The following MANBA variants were observed in gnomAD, a reference collection of about 807,000 sequenced individuals.
MANBA encodes mannosidase beta, also known as beta-mannosidase.
Under a neutral mutation model 111.1 loss-of-function variants are expected in MANBA, and 83 were observed. That is an observed-to-expected ratio of 0.75 (90% CI 0.63 to 0.90). The LOEUF is 0.90. Among genes scored for constraint, MANBA ranks in the 40% least tolerant of loss-of-function variants. The pLI is 0.00. For synonymous variants in MANBA, 370 were observed against 378.7 expected (o/e 0.98, Z 0.27); for missense variants, 1,036 against 1,069.0 (o/e 0.97, Z 0.43).
chr4:102,711,731 C>T (rs568458686), intron 5 of MANBA, among the ~76,000 whole-genome samples: 3 of 152,080 alleles, frequency 2.0e-5, no homozygotes, highest in African/African-American at 7.2e-5. Context: ...AGATGAATGG[C>T]TAAAAAAGAA....
At chr4:102,661,563 A>T (rs561508427) in intron 11 of MANBA, among the ~76,000 whole-genome samples, 2 of 152,378 alleles carry the variant, frequency 1.3e-5, no homozygotes, top group Non-Finnish European at 2.9e-5. Context: ...ATTGAAGAAG[A>T]AGGCCAGTCA....
chr4:102,696,879 T>C (rs1430436605), intron 5 of MANBA, among the ~76,000 whole-genome samples: 1 of 152,190 alleles, frequency 6.6e-6, no homozygotes, highest in African/African-American at 2.4e-5. Flanking sequence ...ATTCAAACAT[T>C]AGATATTTTC....
In MANBA at chr4:102,723,935, C is replaced by T. The variant is rs1213414969; in HGVS notation, c.305G>A (p.Gly102Glu). The T allele has an allele frequency of 6.2e-7, 1 of 1,610,722 alleles. No individual in the cohort carries two copies. ...CAGGATTTTTGAAACCGTATCCACT[C>T]CCTCAAGAATCAAATTTACTTTTTG... ...KWQKVNLILE[G>E]VDTVSKILFN... The change falls in exon 3 of 17, where the codon GGA (glycine) becomes GAA (glutamate). Residue 102 changes from glycine (G) to glutamate (E), a missense_variant. By Grantham distance (98) the Gly-to-Glu change is moderately conservative (BLOSUM62 -2). Coordinates refer to ENST00000647097, the MANE Select transcript of MANBA (RefSeq NM_005908.4).
chr4:102,682,935 G>GT (rs1732049849), intron 7 of MANBA: 1 of 152,090 alleles, frequency 6.6e-6, no homozygotes, highest in Admixed American at 6.5e-5. Flanking sequence ...TGTAATAATA[G>GT]ACCTAGAAAC....
chr4:102,673,721 G>GT (rs1352167089), intron 8 of MANBA, among the ~76,000 whole-genome samples, 198 bp downstream of exon 8: 1 of 152,130 alleles, frequency 6.6e-6, no homozygotes, highest in Non-Finnish European at 1.5e-5. Context: ...TAGTTTAGCT[G>GT]TAAGACCACC....
chr4:102,665,039 T>G, intron 10 of MANBA, 187 bp from the exon 11 acceptor site: 1 of 583,060 alleles, frequency 1.7e-6, no homozygotes, highest in African/African-American at 1.9e-5. Context: ...TGAGATTCTT[T>G]TTAACTAGAT....
At chr4:102,656,179 G>A (rs1011024072) in intron 12 of MANBA, among the ~76,000 whole-genome samples, 1 of 152,072 alleles carries the variant, frequency 6.6e-6, no homozygotes, top group African/African-American at 2.4e-5. Flanking sequence ...GCTTCAGCCT[G>A]AGAGGTCAAA....
At chr4:102,635,428 G>GT (rs2110189223) in intron 15 of MANBA, among the ~76,000 whole-genome samples, 1 of 152,168 alleles carries the variant, frequency 6.6e-6, no homozygotes, top group South Asian at 2.1e-4. Context: ...ACTTAAATTT[G>GT]TTTTTTAAAA....
chr4:102,723,861 C>T lies in MANBA; in HGVS notation c.378+1G>A, dbSNP rs142029636. On this transcript the variant is annotated splice_donor_variant, in intron 3 of 16. Coordinates refer to ENST00000647097, the MANE Select transcript of MANBA (RefSeq NM_005908.4). LOFTEE classifies it high-confidence loss of function. ...TTAACCTAATGTCATTATATACTTA[C>T]ATATCTATTGAACATATTGTCTGTT... 34 of 1,537,174 alleles carry T rather than the reference C, an allele frequency of 2.2e-5. No homozygotes were observed. Among genetic ancestry groups the T allele is most frequent in the Non-Finnish European group, 3.0e-5 (33 of 1,111,716 alleles).
At chr4:102,690,531 T>TAA (rs1170924511) in intron 6 of MANBA, 65 bp downstream of exon 6, 14 of 1,474,950 alleles carry the variant, frequency 9.5e-6, no homozygotes, top group Non-Finnish European at 1.3e-5. Flanking sequence ...CCCTCCTTTC[T>TAA]AATCATTTCT....
chr4:102,704,625 C>T (rs1733215585), intron 5 of MANBA, among the ~76,000 whole-genome samples: 1 of 151,452 alleles, frequency 6.6e-6, no homozygotes, highest in Non-Finnish European at 1.5e-5. Context: ...TAGTATATAC[C>T]AAATAAATAC....
At chr4:102,749,733 A>G (rs1723718385) in intron 1 of MANBA, among the ~76,000 whole-genome samples, 1 of 152,224 alleles carries the variant, frequency 6.6e-6, no homozygotes, top group African/African-American at 2.4e-5. Context: ...AATTATATGA[A>G]CAAGTGCACA....
intron 1 of MANBA, chr4:102,729,538 G>C (rs1722949608): frequency 2.3e-6 from 2 of 875,218 alleles, no homozygotes; most frequent in Non-Finnish European, 3.9e-6. Flanking sequence ...TTCCAGGTGA[G>C]ACTCCAGCTC....
At chr4:102,750,939 CA>C (rs1723767353) in intron 1 of MANBA, among the ~76,000 whole-genome samples, 1 of 151,906 alleles carries the variant, frequency 6.6e-6, no homozygotes, top group African/African-American at 2.4e-5. Flanking sequence ...GATAACAAAA[CA>C]AAATAATAAG....
chr4:102,644,788 G>A (rs776485011), intron 13 of MANBA, among the ~76,000 whole-genome samples: 3 of 152,022 alleles, frequency 2.0e-5, no homozygotes, highest in South Asian at 4.1e-4. Context: ...AGATAAGTAC[G>A]TGAAGCAATG....
Position 102,754,713 on chromosome 4 carries a change from C to T in MANBA, c.177+6005G>A, listed in dbSNP as rs139615830. ...CTGGGACTACAGGTGCTGGCCACCA[C>T]GCCGGACTAATTTTTTGTATTTTTA... On this transcript the variant is annotated intron_variant, in intron 1 of 16. Coordinates refer to ENST00000647097, the MANE Select transcript of MANBA (RefSeq NM_005908.4). Among the ~76,000 whole-genome samples the T allele has an allele frequency of 7.2e-4, 110 of 152,028 alleles. No individual in the cohort carries two copies. The Middle Eastern group carries it at 0.017, about 24-fold the overall frequency.
At chr4:102,728,477 C>G (rs1322293591) in intron 1 of MANBA, 2 of 384,772 alleles carry the variant, frequency 5.2e-6, no homozygotes, top group Admixed American at 3.6e-5. Flanking sequence ...TTCGGAATAC[C>G]CATCTTTCAC....
chr4:102,748,259 A>G (rs1324166515), intron 1 of MANBA, among the ~76,000 whole-genome samples: 1 of 152,218 alleles, frequency 6.6e-6, no homozygotes, highest in Non-Finnish European at 1.5e-5. Context: ...TCATACCTAC[A>G]TGCCTCACAG....
chr4:102,667,527 G>A (rs555035374), intron 10 of MANBA: 6 of 152,124 alleles, frequency 3.9e-5, no homozygotes, highest in Non-Finnish European at 8.8e-5. Flanking sequence ...GACACGCTGA[G>A]TTAGTGTGAC....
Sources: allele counts gnomAD v4.1 joint callset (sites outside exome capture counted in the v4.1 genomes callset), GRCh38; gene constraint gnomAD v4.1.1; transcripts MANE v1.5; gene names NCBI Gene and HGNC (gene_info 2026-07-23, HGNC 2026-07-21).